WDR7: variants seen among roughly 807,000 people sequenced by gnomAD.
The protein encoded by WDR7 is WD repeat domain 7.
Under a neutral mutation model 169.4 loss-of-function variants are expected in WDR7, and 46 were observed. The ratio of observed to expected loss-of-function variants is 0.27; its 90% confidence interval spans 0.21 to 0.35. The LOEUF (loss-of-function observed/expected upper bound fraction) is 0.35. Ranked by LOEUF, WDR7 falls within the 10% of genes least tolerant of loss-of-function variation. WDR7 has a pLI of 1.00. For synonymous variants in WDR7, 612 were observed against 666.8 expected, an observed-to-expected ratio of 0.92 and a Z score of 1.27; for missense variants, 1,534 against 1,859.3, an observed-to-expected ratio of 0.83 and a Z score of 3.22.
chr18:56,754,266 T>C lies in WDR7; in HGVS notation c.1990-2317T>C, dbSNP rs897362848. On this transcript the variant is annotated intron_variant, in intron 14 of 27. Coordinates refer to ENST00000254442, the MANE Select transcript of WDR7 (RefSeq NM_015285.3). Reference sequence around the variant, plus strand: ...TGTGCTTTGTGTGTGTGTGTGTGTGTGTGTGTGTGTGTGTGTGTGTATATG... The same window carrying C: ...TGTGCTTTGTGTGTGTGTGTGTGTGCGTGTGTGTGTGTGTGTGTGTATATG... Among the ~76,000 whole-genome samples, 153 of 149,402 alleles carry C rather than the reference T, an allele frequency of 1.0e-3. 1 individual carries two copies. Among genetic ancestry groups the C allele is most frequent in the African/African-American group, 3.7e-3 (150 of 40,060 alleles).
At chr18:56,818,107 G>A (rs1157622725) in intron 20 of WDR7, among the ~76,000 whole-genome samples, 1 of 152,126 alleles carries the variant, frequency 6.6e-6, no homozygotes, top group African/African-American at 2.4e-5. Context: ...ACTGTCATAT[G>A]TATGTTTTTT....
intron 20 of WDR7, among the ~76,000 whole-genome samples, chr18:56,824,384 TTC>T (rs1410158896): frequency 6.6e-6 from 1 of 152,208 alleles, no homozygotes; most frequent in Non-Finnish European, 1.5e-5. Context: ...CACTTGCACT[TTC>T]TGAGTCATGT....
intron 19 of WDR7, among the ~76,000 whole-genome samples, chr18:56,784,927 T>TTG (rs1555691153): frequency 6.6e-6 from 1 of 152,128 alleles, no homozygotes; most frequent in Non-Finnish European, 1.5e-5. Flanking sequence ...GTTTTTTTTT[T>TTG]TGTGAAAGAC....
chr18:56,969,610 T>A (rs2047455864), intron 26 of WDR7, among the ~76,000 whole-genome samples: 1 of 152,236 alleles, frequency 6.6e-6, no homozygotes, highest in African/African-American at 2.4e-5. Context: ...GGTGAAGCAC[T>A]CCTGGCAAAC....
chr18:56,675,766 A>AT (rs1420923089), intron 2 of WDR7, among the ~76,000 whole-genome samples: 3 of 152,062 alleles, frequency 2.0e-5, no homozygotes, highest in Non-Finnish European at 2.9e-5. Flanking sequence ...AAGAGTGGAC[A>AT]TCCTATTTTC....
At chr18:56,740,270 T>C (rs1390786023) in intron 14 of WDR7, among the ~76,000 whole-genome samples, 2 of 152,130 alleles carry the variant, frequency 1.3e-5, no homozygotes, top group Non-Finnish European at 2.9e-5. Flanking sequence ...TTGATTTCAG[T>C]TATCTGCTGA....
intron 26 of WDR7, among the ~76,000 whole-genome samples, chr18:56,969,113 G>A (rs1453125621): frequency 6.6e-6 from 1 of 152,086 alleles, no homozygotes; most frequent in Non-Finnish European, 1.5e-5. Flanking sequence ...GATATCTTTT[G>A]TCTCAAATTC....
chr18:56,901,053 T>C (rs2046394382), intron 21 of WDR7, among the ~76,000 whole-genome samples: 1 of 152,196 alleles, frequency 6.6e-6, no homozygotes, highest in Non-Finnish European at 1.5e-5. Context: ...TACAGTCTCA[T>C]AAATCAAAAC....
At chr18:56,850,264 T>C (rs746863964) in intron 20 of WDR7, among the ~76,000 whole-genome samples, 4 of 152,220 alleles carry the variant, frequency 2.6e-5, no homozygotes, top group Non-Finnish European at 4.4e-5. Context: ...TTTTTTTATT[T>C]ATTTGTTTAC....
At chr18:56,803,900 A>G (rs1180621413) in intron 19 of WDR7, among the ~76,000 whole-genome samples, 4 of 152,278 alleles carry the variant, frequency 2.6e-5, no homozygotes, top group African/African-American at 9.6e-5. Flanking sequence ...CGCCCAAGCA[A>G]TATTCCCACC....
chr18:56,775,263 A>G (rs2044223341), intron 16 of WDR7, among the ~76,000 whole-genome samples: 1 of 152,244 alleles, frequency 6.6e-6, no homozygotes, highest in East Asian at 1.9e-4. Context: ...TGAAAAAGTG[A>G]AATTATGGAA....
At chr18:56,697,606 A>G (rs190210018) in intron 12 of WDR7, among the ~76,000 whole-genome samples, 4 of 152,274 alleles carry the variant, frequency 2.6e-5, no homozygotes, top group Non-Finnish European at 1.5e-5. Flanking sequence ...AATAGATATT[A>G]TTGTAATTAC....
intron 26 of WDR7, among the ~76,000 whole-genome samples, chr18:57,008,336 G>A (rs1407888221): frequency 6.6e-6 from 1 of 152,060 alleles, no homozygotes; most frequent in African/African-American, 2.4e-5. Flanking sequence ...AAACTAGTCT[G>A]ATCTGACCAT....
chr18:56,885,108 G>T (rs1269936996), intron 21 of WDR7, among the ~76,000 whole-genome samples: 1 of 152,136 alleles, frequency 6.6e-6, no homozygotes, highest in Non-Finnish European at 1.5e-5. Flanking sequence ...CATCAAGGGA[G>T]CACCCCATGG....
chr18:56,683,969 A>G (rs560428708), intron 5 of WDR7, among the ~76,000 whole-genome samples: 6 of 152,278 alleles, frequency 3.9e-5, no homozygotes, highest in African/African-American at 1.2e-4. Flanking sequence ...TAAACAAATA[A>G]CAGTTTAGAG....
chr18:56,784,927 T>G (rs372491265), intron 19 of WDR7, among the ~76,000 whole-genome samples: 38 of 152,244 alleles, frequency 2.5e-4, no homozygotes, highest in African/African-American at 3.4e-4. Context: ...GTTTTTTTTT[T>G]TGTGAAAGAC....
intron 20 of WDR7, among the ~76,000 whole-genome samples, chr18:56,818,343 A>AT (rs1236389471): frequency 1.3e-5 from 2 of 152,200 alleles, no homozygotes; most frequent in African/African-American, 4.8e-5. Context: ...ACAGTATATG[A>AT]TTTTTTAATT....
intron 26 of WDR7, among the ~76,000 whole-genome samples, chr18:57,000,618 A>G (rs1256124522): frequency 6.6e-6 from 1 of 152,182 alleles, no homozygotes; most frequent in Non-Finnish European, 1.5e-5. Flanking sequence ...CTCTCTACTC[A>G]CAAGCCTTCA....
chr18:56,992,168 T>C (rs1347568947), intron 26 of WDR7, among the ~76,000 whole-genome samples: 5 of 152,238 alleles, frequency 3.3e-5, no homozygotes, highest in African/African-American at 1.2e-4. Context: ...TCCTTCAGCC[T>C]AAGAATCTAT....
Sources: gnomAD v4.1 joint callset for allele counts (sites outside exome capture counted in the v4.1 genomes callset) on GRCh38, gnomAD v4.1.1 for gene constraint, MANE v1.5 for transcripts, NCBI Gene and HGNC (gene_info 2026-07-23, HGNC 2026-07-21) for gene names.